The following PRDM6 variants were observed in gnomAD, a reference collection of about 807,000 sequenced individuals.
PRDM6 encodes the protein PR/SET domain 6, also known as putative histone-lysine N-methyltransferase PRDM6.
PRDM6 carries 25 observed loss-of-function variants against 60.8 expected under a neutral mutation model. The observed-to-expected ratio is 0.41, with a 90% confidence interval of 0.30 to 0.57. The LOEUF is 0.57. Among genes scored for constraint, PRDM6 ranks in the 20% least tolerant of loss-of-function variants. PRDM6 has a pLI of 0.27. For missense variants in PRDM6, 839 were observed against 821.3 expected (o/e 1.02, Z -0.26); for synonymous variants, 407 against 357.4 (o/e 1.14, Z -1.57).
intron 3 of PRDM6, among the ~76,000 whole-genome samples, chr5:123,129,828 T>A (rs1048085524): frequency 6.6e-6 from 1 of 152,330 alleles, no homozygotes; most frequent in Admixed American, 6.5e-5. Flanking sequence ...TATTAAGATG[T>A]GTTCCACTTA....
rs763215657 is a variant in PRDM6 at position 123,090,523 on chromosome 5, C to T, written c.509C>T (p.Ala170Val). 6 of 1,505,062 alleles carry T rather than the reference C, an allele frequency of 4.0e-6. No homozygotes were observed. The South Asian group carries it at 7.4e-5, about 18-fold the overall frequency. The allele number at this position is 1,505,062 out of a possible 1,614,324, so 93.2% of individuals were successfully genotyped here. A position where few individuals can be genotyped will look rare whatever the true frequency, so the allele number is the denominator to read the frequency against. ...GRGAPRFRCS[A>V]EELDYYLYGQ... The stretch of plus-strand genomic sequence containing the variant: ...GGCGCCCCGCGCTTCCGCTGCAGCG[C>T]AGAGGAGCTGGACTATTACCTGTAT... The change falls in exon 2 of 8, where the codon GCA (alanine) becomes GTA (valine). Residue 170 changes from alanine (A) to valine (V), a missense_variant. Ala to Val is a moderately conservative substitution (Grantham distance 64). Transcript: ENST00000407847.
rs1446362366 is a variant in PRDM6 at position 123,090,468 on chromosome 5, G to A, written c.454G>A (p.Gly152Ser). The change falls in exon 2 of 8, where the codon GGT (glycine) becomes AGT (serine). Residue 152 changes from glycine (G) to serine (S), a missense_variant. Around this residue, in one of 2 missense-constraint regions of PRDM6, gnomAD observed 730 missense variants for 648.8 expected, o/e 1.13. Coordinates refer to ENST00000407847, the MANE Select transcript of PRDM6 (RefSeq NM_001136239.4). Reference protein sequence around the residue: ...TSGPGPVKCGGGGGGGGEGRG... With the variant: ...TSGPGPVKCGSGGGGGGEGRG... ...CGGCCCCGGGCCCGTCAAGTGCGGT[G>A]GTGGTGGCGGCGGCGGCGGGGAGGG... The A allele has an allele frequency of 1.3e-6, 2 of 1,484,084 alleles. No individual in the cohort carries two copies. Among genetic ancestry groups the A allele is most frequent in the Non-Finnish European group, 1.8e-6 (2 of 1,125,688 alleles). 91.9% of individuals were successfully genotyped at this position (1,484,084 alleles called of 1,614,324 possible).
intron 6 of PRDM6, among the ~76,000 whole-genome samples, chr5:123,171,523 C>G (rs1765890005): frequency 6.6e-6 from 1 of 152,090 alleles, no homozygotes; most frequent in South Asian, 2.1e-4. Flanking sequence ...TAATTAAGTA[C>G]TAAGAGGTAA....
intron 3 of PRDM6, among the ~76,000 whole-genome samples, chr5:123,101,732 T>C (rs1323006355): frequency 6.6e-6 from 1 of 152,202 alleles, no homozygotes; most frequent in African/African-American, 2.4e-5. Flanking sequence ...TTGTGGGTTT[T>C]TTCCCCCCCA....
chr5:123,140,728 C>T (rs1178088275), intron 3 of PRDM6, among the ~76,000 whole-genome samples: 2 of 151,992 alleles, frequency 1.3e-5, no homozygotes, highest in Non-Finnish European at 2.9e-5. Context: ...GTCTGAAAAA[C>T]AGGTTTCATG....
intron 5 of PRDM6, among the ~76,000 whole-genome samples, chr5:123,169,533 G>T (rs1049923374): frequency 6.6e-6 from 1 of 152,108 alleles, no homozygotes; most frequent in African/African-American, 2.4e-5. Context: ...TTGTAAAAGG[G>T]GACTTTAAAG....
In PRDM6 at chr5:123,090,287, C is replaced by A; in HGVS notation, c.273C>A (p.Ser91=). 1 of 1,490,996 alleles carries A rather than the reference C, an allele frequency of 6.7e-7. No individual in the cohort carries two copies. The highest frequency in any genetic ancestry group is 8.9e-7 in the Non-Finnish European group (1 of 1,121,868). 92.4% of individuals were successfully genotyped at this position (1,490,996 alleles called of 1,614,324 possible). ...CGGCTTCCTCTTCCACCTCCGCCTC[C>A]TCCGCCTCCTCCTGCGCTGCTGCGG... The part of the protein sequence containing the change: ...STPASSSTSA[S]SASSCAAAAA... Residue 91 remains serine (S), a synonymous_variant, in exon 2 of 8, where the codon TCC becomes TCA. Transcript: ENST00000407847.
At chr5:123,095,460 C>T (rs2150205946) in intron 2 of PRDM6, among the ~76,000 whole-genome samples, 1 of 152,372 alleles carries the variant, frequency 6.6e-6, no homozygotes, top group South Asian at 2.1e-4. Flanking sequence ...GGCCCGGATG[C>T]TCTGCCTGCC....
intron 3 of PRDM6, among the ~76,000 whole-genome samples, chr5:123,145,261 A>T (rs1047988544): frequency 6.6e-6 from 1 of 152,168 alleles, no homozygotes; most frequent in Admixed American, 6.5e-5. Context: ...GGGAAAATCT[A>T]CAGATTTGGT....
At chr5:123,158,557 G>T (rs1171330078) in intron 4 of PRDM6, among the ~76,000 whole-genome samples, 2 of 152,088 alleles carry the variant, frequency 1.3e-5, no homozygotes, top group Non-Finnish European at 2.9e-5. Flanking sequence ...CTTTTTTATT[G>T]ATCTTTATGA....
At position 123,189,075 on chromosome 5, in the gene PRDM6, T is replaced by C. The variant is rs1386791082; in HGVS notation, c.*1874T>C. On this transcript the variant is annotated 3_prime_UTR_variant, in exon 8 of 8. Coordinates refer to ENST00000407847, the MANE Select transcript of PRDM6 (RefSeq NM_001136239.4). ...GGTCATGAAAGTAGTAAGGAATCTA[T>C]GCTGCTGTATAACAGTAGCTGATTG... is the stretch of plus-strand genomic sequence containing the variant. 2 of 152,226 alleles carry C rather than the reference T, an allele frequency of 1.3e-5. No homozygotes were observed. The highest frequency in any genetic ancestry group is 2.9e-5 in the Non-Finnish European group (2 of 68,034). 9.4% of individuals were successfully genotyped at this position (152,226 alleles called of 1,614,324 possible).
In PRDM6 at chr5:123,132,167, T is replaced by A. The variant is rs2150223857; in HGVS notation, c.901-23717T>A. Among the ~76,000 whole-genome samples the A allele has an allele frequency of 1.3e-5, 2 of 152,298 alleles. 1 individual carries two copies. The highest frequency in any genetic ancestry group is 4.1e-4 in the South Asian group (2 of 4,830). On this transcript the variant is annotated intron_variant, in intron 3 of 7. Transcript: ENST00000407847. ...ACTTTATGTCATACTTAAAAATTTT[T>A]ATGTAGAGAGTTCCAAACTTCCTTT... is the stretch of plus-strand genomic sequence containing the variant.
At chr5:123,097,761 A>C (rs912350618) in intron 2 of PRDM6, among the ~76,000 whole-genome samples, 1 of 152,206 alleles carries the variant, frequency 6.6e-6, no homozygotes, top group East Asian at 1.9e-4. Context: ...GAATTTTAAC[A>C]ATAGTTTGTG....
At chr5:123,094,046 A>C (rs1020909474) in intron 2 of PRDM6, among the ~76,000 whole-genome samples, 4 of 151,884 alleles carry the variant, frequency 2.6e-5, no homozygotes, top group Non-Finnish European at 4.4e-5. Context: ...CGGTGTGTGC[A>C]TGGGTGTGGG....
intron 7 of PRDM6, 58 bp from the exon 8 acceptor site, chr5:123,187,029 G>A: frequency 1.6e-6 from 2 of 1,236,926 alleles, no homozygotes; most frequent in East Asian, 2.6e-5. Flanking sequence ...ATGAGAGGAA[G>A]CCCATCACCC....
intron 5 of PRDM6, among the ~76,000 whole-genome samples, chr5:123,165,906 C>T (rs1426559050): frequency 1.3e-5 from 2 of 152,160 alleles, no homozygotes; most frequent in Non-Finnish European, 2.9e-5. Flanking sequence ...TTACTCTTTG[C>T]TAAATCCCCA....
rs983607827 is a variant in PRDM6, at chr5:123,099,335, G to T, written c.593-319G>T. On this transcript the variant is annotated intron_variant, in intron 2 of 7. Transcript: ENST00000407847. The surrounding 1 kb of genome is among the most constrained non-coding windows in gnomAD (Gnocchi z 4.0). Reference sequence around the variant, plus strand: ...GAGAGATGCAGAGAGACTGAAACGGGAGGAAGAAGCCTGGAACTGTCGGTT... The same window carrying T: ...GAGAGATGCAGAGAGACTGAAACGGTAGGAAGAAGCCTGGAACTGTCGGTT... Among the ~76,000 whole-genome samples, 3 of 152,184 alleles carry T rather than the reference G, an allele frequency of 2.0e-5. No homozygotes were observed. The highest frequency in any genetic ancestry group is 7.2e-5 in the African/African-American group (3 of 41,436).
Position 123,159,547 on chromosome 5 carries a change from C to T in PRDM6, c.1062C>T (p.Ile354=). 1.3e-6 allele frequency: 2 copies of T among 1,551,414 alleles called. No individual in the cohort carries two copies. Among genetic ancestry groups the T allele is most frequent in the Non-Finnish European group, 1.7e-6 (2 of 1,146,812 alleles). The change falls in exon 5 of 8, where the codon ATC becomes ATT. Residue 354 remains isoleucine (I), a synonymous_variant. Coordinates refer to ENST00000407847, the MANE Select transcript of PRDM6 (RefSeq NM_001136239.4). ...TATTCTACCGAGCCTGTATAGATAT[C>T]CCTAGGGGCACCGAGCTTCTGGTGT... The part of the protein sequence containing the change: ...SNIFYRACID[I]PRGTELLVWY...
At chr5:123,104,780 G>A (rs904337221) in intron 3 of PRDM6, among the ~76,000 whole-genome samples, 3 of 152,178 alleles carry the variant, frequency 2.0e-5, no homozygotes, top group African/African-American at 7.2e-5. Context: ...CTATTTGATA[G>A]AGTGTGAGCA....
Sources: gnomAD v4.1 joint callset for allele counts (sites outside exome capture counted in the v4.1 genomes callset) on GRCh38, gnomAD v4.1.1 for gene constraint, gnomAD v4.1.1 regional missense constraint, Gnocchi (gnomAD v3.1) non-coding constraint, MANE v1.5 for transcripts, NCBI Gene and HGNC (gene_info 2026-07-23, HGNC 2026-07-21) for gene names.